Variants in STAG1 observed in about 807,000 individuals in gnomAD.
STAG1 encodes cohesin subunit SA-1.
STAG1 carries 26 observed loss-of-function variants against 170.9 expected under a neutral mutation model. The ratio of observed to expected loss-of-function variants is 0.15; its 90% CI spans 0.11 to 0.21. The LOEUF is 0.21. Ranked by LOEUF, STAG1 falls within the 10% of genes least tolerant of loss-of-function variation. The pLI is 1.00. For missense variants in STAG1, 964 were observed against 1,509.5 expected (o/e 0.64, Z 5.99); for synonymous variants, 514 against 497.7 (o/e 1.03, Z -0.44).
At chr3:136,501,390 T>A (rs936437939) in intron 8 of STAG1, among the ~76,000 whole-genome samples, 28 of 152,192 alleles carry the variant, frequency 1.8e-4, no homozygotes, top group African/African-American at 6.8e-4. Context: ...ATTTAATTCA[T>A]TAAGATGCAG....
chr3:136,452,576 A>T (rs1262035597), intron 13 of STAG1, among the ~76,000 whole-genome samples: 2 of 151,770 alleles, frequency 1.3e-5, no homozygotes, highest in Non-Finnish European at 2.9e-5. Context: ...AAAATCAGAG[A>T]TCAGATTATT....
chr3:136,604,804 C>A (rs1040055263), intron 3 of STAG1, among the ~76,000 whole-genome samples: 1 of 152,092 alleles, frequency 6.6e-6, no homozygotes, highest in Non-Finnish European at 1.5e-5. Context: ...ACCCCACCAC[C>A]ACGACCAGTT....
intron 4 of STAG1, among the ~76,000 whole-genome samples, chr3:136,590,052 G>A (rs1005910005): frequency 1.3e-5 from 2 of 152,170 alleles, no homozygotes; most frequent in African/African-American, 4.8e-5. Context: ...GAACCCAGGA[G>A]ATGGAAGTTG....
At chr3:136,360,331 GCCT>G (rs1936813174) in intron 26 of STAG1, among the ~76,000 whole-genome samples, 1 of 152,048 alleles carries the variant, frequency 6.6e-6, no homozygotes, top group South Asian at 2.1e-4. Context: ...GCTCTCTCCT[GCCT>G]CCTAAACTAT....
chr3:136,709,756 C>T (rs937387879), intron 1 of STAG1, among the ~76,000 whole-genome samples: 3 of 149,408 alleles, frequency 2.0e-5, no homozygotes, highest in Non-Finnish European at 4.5e-5. Context: ...GGTGGGGGGC[C>T]GGACAAGGTA....
intron 6 of STAG1, among the ~76,000 whole-genome samples, chr3:136,530,754 T>C (rs1019630155): frequency 2.0e-5 from 3 of 152,134 alleles, no homozygotes; most frequent in Non-Finnish European, 4.4e-5. Context: ...CTGTGGGATA[T>C]AGCAAAAACT....
At chr3:136,644,127 A>C (rs1027887781) in intron 1 of STAG1, among the ~76,000 whole-genome samples, 3 of 152,226 alleles carry the variant, frequency 2.0e-5, no homozygotes, top group African/African-American at 7.2e-5. Context: ...ATGTACTTTT[A>C]TAATATGAAA....
At chr3:136,364,285 G>A (rs1164970555) in intron 25 of STAG1, among the ~76,000 whole-genome samples, 2 of 151,490 alleles carry the variant, frequency 1.3e-5, no homozygotes, top group African/African-American at 4.9e-5. Flanking sequence ...GTTTCACCAT[G>A]TTGGCCAGGC....
intron 28 of STAG1, among the ~76,000 whole-genome samples, chr3:136,355,385 T>C (rs897010719): frequency 3.7e-5 from 4 of 107,738 alleles, no homozygotes; most frequent in African/African-American, 1.4e-4. Flanking sequence ...AAAAAGTATA[T>C]ACACCTAACA....
At chr3:136,498,304 CACAT>C (rs961249191) in intron 9 of STAG1, among the ~76,000 whole-genome samples, 10 of 140,748 alleles carry the variant, frequency 7.1e-5, no homozygotes, top group African/African-American at 2.4e-4. Context: ...CACACACACA[CACAT>C]ATATATACAC....
chr3:136,501,189 A>T (rs1462521295), intron 8 of STAG1, among the ~76,000 whole-genome samples: 3 of 152,226 alleles, frequency 2.0e-5, no homozygotes, highest in Non-Finnish European at 4.4e-5. Flanking sequence ...TCATATAAAA[A>T]CTAATTAATT....
intron 29 of STAG1, among the ~76,000 whole-genome samples, chr3:136,347,771 C>T (rs984564648): frequency 2.0e-5 from 3 of 152,188 alleles, no homozygotes; most frequent in Admixed American, 2.0e-4. Context: ...GTGCCAAGCA[C>T]TGTGCTCAGT....
At chr3:136,587,853 TCGCAAGGCTGAG>T (rs1166351694) in intron 4 of STAG1, among the ~76,000 whole-genome samples, 1 of 152,042 alleles carries the variant, frequency 6.6e-6, no homozygotes, top group Non-Finnish European at 1.5e-5. Context: ...TCCCTGCTCC[TCGCAAGGCTGAG>T]GCAGGAGAAT....
chr3:136,430,806 GACAC>G (rs35492621), intron 16 of STAG1, among the ~76,000 whole-genome samples: 11,832 of 131,024 alleles, frequency 0.09, 536 homozygotes, highest in Non-Finnish European at 0.11. Flanking sequence ...GACATAGACA[GACAC>G]ACACACACAC....
chr3:136,661,023 A>C (rs1027705299), intron 1 of STAG1, among the ~76,000 whole-genome samples: 2 of 152,190 alleles, frequency 1.3e-5, no homozygotes, highest in Admixed American at 6.5e-5. Context: ...CTATTAAAGC[A>C]GAAATTCAGA....
rs554622400 is a variant in STAG1, at chr3:136,496,617, T to C, written c.902+3606A>G. 1.7e-4 allele frequency among the ~76,000 whole-genome samples: 26 copies of C among 152,114 alleles called. No individual in the cohort carries two copies. The South Asian group carries it at 3.9e-3, about 23-fold the overall frequency. On this transcript the variant is annotated intron_variant, in intron 9 of 33. Transcript: ENST00000383202. ...ATTTTGAACTAAATAAAAAATGCAA[T>C]ATATCCAAATTTAGGACACATAGCT...
intron 1 of STAG1, among the ~76,000 whole-genome samples, chr3:136,689,183 A>T (rs369860765): frequency 6.6e-6 from 1 of 152,224 alleles, no homozygotes; most frequent in East Asian, 1.9e-4. Flanking sequence ...TATAAAGAAA[A>T]ATTTCCACCT....
At chr3:136,708,797 G>A (rs1219993601) in intron 1 of STAG1, among the ~76,000 whole-genome samples, 1 of 151,940 alleles carries the variant, frequency 6.6e-6, no homozygotes, top group Admixed American at 6.6e-5. Flanking sequence ...GTTATTTATA[G>A]TTAAAAGTCA....
At chr3:136,632,708 C>T (rs9847427) in intron 1 of STAG1, among the ~76,000 whole-genome samples, 2 of 152,018 alleles carry the variant, frequency 1.3e-5, no homozygotes, top group African/African-American at 2.4e-5. Flanking sequence ...AGGTGCTACA[C>T]GCATGCCCAA....
Sources: allele counts gnomAD v4.1 joint callset (sites outside exome capture counted in the v4.1 genomes callset), GRCh38; gene constraint gnomAD v4.1.1; transcripts MANE v1.5; gene names NCBI Gene and HGNC (gene_info 2026-07-23, HGNC 2026-07-21).